The following EED variants were observed in gnomAD, a reference collection of about 807,000 sequenced individuals.
EED encodes the protein polycomb protein EED.
In EED, 9 loss-of-function variants were observed where a neutral mutation model predicts 61.0. The observed-to-expected ratio is 0.15, with a 90% CI of 0.09 to 0.26. EED has a LOEUF of 0.26. Ranked by LOEUF, EED falls within the 10% of genes least tolerant of loss-of-function variation. The probability of loss-of-function intolerance (pLI) is 1.00; values close to 1 mark genes in which losing one functional copy is unlikely to be tolerated. For missense variants in EED, 315 were observed against 542.3 expected (o/e 0.58, Z 4.16); for synonymous variants, 187 against 174.4 (o/e 1.07, Z -0.57).
chr11:86,276,603 G>C (rs1222597027), intron 9 of EED: 1 of 155,160 alleles, frequency 6.4e-6, no homozygotes, highest in Non-Finnish European at 1.4e-5. Flanking sequence ...ATTAATGCCG[G>C]ATTCTGAAAA....
the EED span, among the ~76,000 whole-genome samples, chr11:86,287,568 A>C: frequency 6.6e-6 from 1 of 152,186 alleles, no homozygotes; most frequent in East Asian, 1.9e-4. Flanking sequence ...TGAGTGAGGG[A>C]AGTGTGTGTG....
chr11:86,252,403 A>G (rs1945554958), intron 3 of EED, among the ~76,000 whole-genome samples, 163 bp downstream of exon 3: 1 of 152,156 alleles, frequency 6.6e-6, no homozygotes, highest in Non-Finnish European at 1.5e-5. Flanking sequence ...TAAAACTAGT[A>G]TGCATGGCTG....
At chr11:86,250,231 G>GATGCTAAAAC (rs1945495579) in intron 1 of EED, 65 bp from the exon 2 acceptor site, 14 of 1,353,922 alleles carry the variant, frequency 1.0e-5, no homozygotes, top group Middle Eastern at 1.9e-4. Flanking sequence ...CTTCCCAGTA[G>GATGCTAAAAC]AGTTATTTAC....
chr11:86,252,079 G>A lies in EED; in HGVS notation c.268-69G>A, dbSNP rs1299940586. The stretch of plus-strand genomic sequence containing the variant: ...CATTTTGGAAAAAAGAAGGGGATAG[G>A]TTAGTTTACTGTCATTTTCTGGTTT... On this transcript the variant is annotated intron_variant, in intron 2 of 11. Coordinates refer to ENST00000263360, the MANE Select transcript of EED (RefSeq NM_003797.5). 5 of 1,253,126 alleles carry A rather than the reference G, an allele frequency of 4.0e-6. No individual in the cohort carries two copies. The Admixed American group carries it at 5.5e-5, about 14-fold the overall frequency. The allele number at this position is 1,253,126 out of a possible 1,614,324, so 77.6% of individuals were successfully genotyped here. A position where few individuals can be genotyped will look rare whatever the true frequency, so the allele number is the denominator to read the frequency against.
At position 86,250,371 on chromosome 11, in the gene EED, G is replaced by A; in HGVS notation, c.190G>A (p.Gly64Arg). 1 of 1,607,774 alleles carries A rather than the reference G, an allele frequency of 6.2e-7. No individual in the cohort carries two copies. Among genetic ancestry groups the A allele is most frequent in the African/African-American group, 1.3e-5 (1 of 74,422 alleles). The change falls in exon 2 of 12, where the codon GGA becomes AGA. Residue 64 changes from glycine (G) to arginine (R), a missense_variant. Gly to Arg is a moderately radical substitution (Grantham distance 125). Transcript: ENST00000263360. ...DTPTNTPNAPGRKSWGKGKWK... is the reference protein window; with the variant it reads ...DTPTNTPNAPRRKSWGKGKWK... ...ACCTACAAACACGCCAAATGCACCTGGAAGGAAAAGTTGGGGAAAGGGAAA... is the reference window on the plus strand; with the variant it reads ...ACCTACAAACACGCCAAATGCACCTAGAAGGAAAAGTTGGGGAAAGGGAAA...
Position 86,277,962 on chromosome 11 carries a change from T to C in EED, c.1170T>C (p.Asp390=). The part of the protein sequence containing the change: ...GNQVGKLYVW[D]LEVEDPHKAK... ...AAGTTGGCAAACTTTATGTTTGGGA[T>C]TTAGAAGTAGAAGATCCTCATAAAG... is the stretch of plus-strand genomic sequence containing the variant. The change falls in exon 11 of 12, where the codon GAT becomes GAC. Residue 390 remains aspartate (D), a synonymous_variant. Coordinates refer to ENST00000263360, the MANE Select transcript of EED (RefSeq NM_003797.5). 1 of 1,541,182 alleles carries C rather than the reference T, an allele frequency of 6.5e-7. No individual in the cohort carries two copies. Among genetic ancestry groups the C allele is most frequent in the Non-Finnish European group, 8.7e-7 (1 of 1,153,738 alleles).
intron 6 of EED, among the ~76,000 whole-genome samples, chr11:86,258,526 C>CT: frequency 6.8e-6 from 1 of 146,286 alleles, no homozygotes; most frequent in African/African-American, 2.5e-5. Context: ...AATATTACAA[C>CT]TTTTTTTTTC....
At chr11:86,263,579 C>G (rs1945896583) in intron 6 of EED, among the ~76,000 whole-genome samples, 1 of 152,154 alleles carries the variant, frequency 6.6e-6, no homozygotes, top group Non-Finnish European at 1.5e-5. Context: ...CAGGGTCTTG[C>G]TATATTGCTA....
At chr11:86,267,821 G>A (rs560935391) in intron 8 of EED, 3 of 140,654 alleles carry the variant, frequency 2.1e-5, no homozygotes, top group East Asian at 4.1e-4. Flanking sequence ...CACCATGTTG[G>A]CTAGGGTGGT....
At chr11:86,285,702 C>A in the EED span, among the ~76,000 whole-genome samples, 5,008 of 152,024 alleles carry the variant, frequency 0.033, 259 homozygotes, top group African/African-American at 0.11. Flanking sequence ...GTTTCAAGAG[C>A]TTCTCCTGCC....
chr11:86,247,003 A>C (rs891840104), intron 1 of EED, among the ~76,000 whole-genome samples: 1 of 152,234 alleles, frequency 6.6e-6, no homozygotes, highest in Non-Finnish European at 1.5e-5. Flanking sequence ...TACTACTACT[A>C]ATTTTATGAT....
At chr11:86,283,690 G>A (rs151273457), downstream of EED, among the ~76,000 whole-genome samples, 31 of 152,196 alleles carry the variant, frequency 2.0e-4, no homozygotes, top group African/African-American at 6.7e-4. Context: ...TTCAACGGAC[G>A]GGTTAGATTA....
chr11:86,245,063 A>T lies in EED; in HGVS notation c.-167A>T. On this transcript the variant is annotated 5_prime_UTR_variant, in exon 1 of 12. Transcript: ENST00000263360. Reference sequence around the variant, plus strand: ...TTTTTCAGCAGTGTGGCGGGGTCGCACGCACGCCCGCCTCGGCGGCTGGGC... The same window carrying T: ...TTTTTCAGCAGTGTGGCGGGGTCGCTCGCACGCCCGCCTCGGCGGCTGGGC... 1 of 535,362 alleles carries T rather than the reference A, an allele frequency of 1.9e-6. No individual in the cohort carries two copies. Among genetic ancestry groups the T allele is most frequent in the Non-Finnish European group, 3.3e-6 (1 of 306,750 alleles). The allele number at this position is 535,362 out of a possible 1,614,324, so 33.2% of individuals were successfully genotyped here. A position where few individuals can be genotyped will look rare whatever the true frequency, so the allele number is the denominator to read the frequency against.
Position 86,255,281 on chromosome 11 carries a change from T to C in EED, c.420T>C (p.Asp140=), listed in dbSNP as rs1354213133. 1 of 1,609,102 alleles carries C rather than the reference T, an allele frequency of 6.2e-7. No homozygotes were observed. Among genetic ancestry groups the C allele is most frequent in the Admixed American group, 1.7e-5 (1 of 59,960 alleles). ...TCCGGTTGTTGCAATCTTACGTGGA[T>C]GCTGATGTATCCTTTCCTGGGTTTT... is the stretch of plus-strand genomic sequence containing the variant. The part of the protein sequence containing the change: ...GEIRLLQSYV[D]ADADENFYTC... The change falls in exon 4 of 12, where the codon GAT becomes GAC. Residue 140 remains aspartate (D), a synonymous_variant. Transcript: ENST00000263360.
In EED at chr11:86,264,242, C is replaced by T. The variant is rs1376926397; in HGVS notation, c.705C>T (p.His235=). ...CAATATTTGGAGGCGTAGAAGGGCA[C>T]AGAGATGAAGTTCTAAGTGCTGTAA... ...LVAIFGGVEG[H]RDEVLSADYD... The change falls in exon 7 of 12, where the codon CAC becomes CAT. Residue 235 remains histidine (H), a synonymous_variant. Transcript: ENST00000263360. 6.2e-7 allele frequency: 1 copy of T among 1,613,694 alleles called. No homozygotes were observed. The highest frequency in any genetic ancestry group is 1.1e-5 in the South Asian group (1 of 91,054).
intron 6 of EED, among the ~76,000 whole-genome samples, chr11:86,258,542 TC>T (rs1315510406): frequency 6.6e-6 from 1 of 150,936 alleles, no homozygotes; most frequent in Non-Finnish European, 1.5e-5. Context: ...TTTTCTCTTT[TC>T]TTTGTTTTTT....
chr11:86,279,044 T>C (rs1946291923), downstream of EED, among the ~76,000 whole-genome samples: 1 of 152,210 alleles, frequency 6.6e-6, no homozygotes, highest in African/African-American at 2.4e-5. Flanking sequence ...AGAACAGTAT[T>C]TGACATATAA....
At chr11:86,264,148 C>T in intron 6 of EED, 24 bp from the exon 7 acceptor site, 1 of 1,567,396 alleles carries the variant, frequency 6.4e-7, no homozygotes, top group Non-Finnish European at 8.7e-7. Context: ...AAACATTCGC[C>T]TAATTTTTGT....
At chr11:86,254,067 A>AAAAT (rs1945605468) in intron 3 of EED, among the ~76,000 whole-genome samples, 1 of 146,028 alleles carries the variant, frequency 6.8e-6, no homozygotes, top group Non-Finnish European at 1.5e-5. Context: ...AAAAAAAAAA[A>AAAAT]AAAAAAAAGA....
Sources: gnomAD v4.1 joint callset for allele counts (sites outside exome capture counted in the v4.1 genomes callset) on GRCh38, gnomAD v4.1.1 for gene constraint, MANE v1.5 for transcripts, NCBI Gene and HGNC (gene_info 2026-07-23, HGNC 2026-07-21) for gene names.